Variants in KCNK2 observed in about 807,000 individuals in gnomAD.
The protein encoded by KCNK2 is potassium two pore domain channel subfamily K member 2, also known as potassium channel subfamily K member 2.
KCNK2 carries 21 observed loss-of-function variants against 40.5 expected under a neutral mutation model. The ratio of observed to expected loss-of-function variants is 0.52; its 90% CI spans 0.37 to 0.75. The LOEUF is 0.75. Ranked by LOEUF, KCNK2 falls within the 30% of genes least tolerant of loss-of-function variation. The probability of loss-of-function intolerance (pLI) is 0.00; values close to 1 mark genes in which losing one functional copy is unlikely to be tolerated. For missense variants in KCNK2, 399 were observed against 531.6 expected (o/e 0.75, Z 2.45); for synonymous variants, 191 against 202.2 (o/e 0.94, Z 0.47).
chr1:215,066,391 T>G (rs909520981), intron 1 of KCNK2, among the ~76,000 whole-genome samples: 1 of 152,230 alleles, frequency 6.6e-6, no homozygotes, highest in Non-Finnish European at 1.5e-5. Flanking sequence ...GTATTCCTGT[T>G]TATTTTGGCT....
intron 6 of KCNK2, among the ~76,000 whole-genome samples, chr1:215,223,768 G>T: frequency 6.6e-6 from 1 of 151,998 alleles, no homozygotes; most frequent in East Asian, 1.9e-4. Flanking sequence ...GGACTATTTA[G>T]AAAACTAGAA....
intron 6 of KCNK2, among the ~76,000 whole-genome samples, chr1:215,210,042 T>A (rs1403092167): frequency 1.8e-5 from 1 of 54,214 alleles, no homozygotes; most frequent in African/African-American, 7.6e-5. Flanking sequence ...ATAATATATA[T>A]AATATATATA....
intron 1 of KCNK2, among the ~76,000 whole-genome samples, chr1:215,041,676 G>T (rs1441570923): frequency 6.6e-6 from 1 of 152,098 alleles, no homozygotes; most frequent in Non-Finnish European, 1.5e-5. Context: ...TATGTGCCTG[G>T]ATTGTGCACA....
intron 1 of KCNK2, among the ~76,000 whole-genome samples, chr1:215,074,999 C>A (rs1230746113): frequency 1.3e-5 from 2 of 152,082 alleles, no homozygotes; most frequent in African/African-American, 4.8e-5. Context: ...ATCTTATTCT[C>A]TGTTGGGCAA....
chr1:215,016,590 A>G (rs1197494207), intron 1 of KCNK2, among the ~76,000 whole-genome samples: 1 of 152,198 alleles, frequency 6.6e-6, no homozygotes, highest in African/African-American at 2.4e-5. Context: ...CTCACATAAT[A>G]TATAAAAATT....
At chr1:215,058,613 A>G (rs1658249189) in intron 1 of KCNK2, among the ~76,000 whole-genome samples, 1 of 152,124 alleles carries the variant, frequency 6.6e-6, no homozygotes, top group Non-Finnish European at 1.5e-5. Flanking sequence ...CCCACTTCCA[A>G]TTAAACCTTT....
chr1:215,210,657 G>A (rs1477831674), intron 6 of KCNK2, among the ~76,000 whole-genome samples: 2 of 151,846 alleles, frequency 1.3e-5, no homozygotes, highest in Non-Finnish European at 2.9e-5. Context: ...TATAGAGAGA[G>A]AGTAGCATTC....
At chr1:215,161,911 G>C (rs954909253) in intron 3 of KCNK2, among the ~76,000 whole-genome samples, 1 of 152,126 alleles carries the variant, frequency 6.6e-6, no homozygotes, top group Non-Finnish European at 1.5e-5. Context: ...CTTTATTGTA[G>C]AATGATTTAT....
At chr1:215,148,080 C>T (rs1030719241) in intron 3 of KCNK2, among the ~76,000 whole-genome samples, 9 of 111,126 alleles carry the variant, frequency 8.1e-5, no homozygotes, top group African/African-American at 1.9e-4. Context: ...TTTTCTTTTC[C>T]TTTTTTTTTT....
intron 1 of KCNK2, among the ~76,000 whole-genome samples, chr1:215,011,196 A>G (rs1656375713): frequency 6.6e-6 from 1 of 151,982 alleles, no homozygotes; most frequent in African/African-American, 2.4e-5. Context: ...CTCCATCTCA[A>G]ACTCCTGGGA....
chr1:215,180,957 G>C (rs1475410683), intron 5 of KCNK2, among the ~76,000 whole-genome samples: 1 of 152,090 alleles, frequency 6.6e-6, no homozygotes, highest in Non-Finnish European at 1.5e-5. Flanking sequence ...ATGTTTTCCA[G>C]GTTGTTTTCT....
chr1:215,067,452 A>G (rs2102512649), intron 1 of KCNK2, among the ~76,000 whole-genome samples: 1 of 152,316 alleles, frequency 6.6e-6, no homozygotes, highest in Non-Finnish European at 1.5e-5. Context: ...GAAGAGGGAT[A>G]TAACAAATAC....
intron 3 of KCNK2, among the ~76,000 whole-genome samples, chr1:215,148,783 G>A (rs1417193919): frequency 6.6e-6 from 1 of 152,166 alleles, no homozygotes; most frequent in African/African-American, 2.4e-5. Flanking sequence ...ATCACAGCTG[G>A]TTGAAAGGGT....
chr1:215,144,291 A>G (rs1158780592), intron 3 of KCNK2, among the ~76,000 whole-genome samples: 1 of 152,164 alleles, frequency 6.6e-6, no homozygotes, highest in East Asian at 1.9e-4. Flanking sequence ...ATTGCATTAA[A>G]TTGAGTTTAA....
intron 3 of KCNK2, among the ~76,000 whole-genome samples, chr1:215,140,433 A>G (rs1662125173): frequency 6.6e-6 from 1 of 152,176 alleles, no homozygotes. Context: ...CTCACTGTGC[A>G]AACATCATGG....
chr1:215,209,445 A>ATT (rs1665502257), intron 6 of KCNK2, among the ~76,000 whole-genome samples: 5 of 26,674 alleles, frequency 1.9e-4, no homozygotes, highest in African/African-American at 8.3e-4. Context: ...TAAAATATAT[A>ATT]ATATATATTA....
chr1:215,221,352 C>A (rs1329105194), intron 6 of KCNK2, among the ~76,000 whole-genome samples: 1 of 151,900 alleles, frequency 6.6e-6, no homozygotes, highest in East Asian at 1.9e-4. Flanking sequence ...CCAGCCTGGG[C>A]AACAGAGTGA....
chr1:215,214,017 T>G (rs1183761318), intron 6 of KCNK2, among the ~76,000 whole-genome samples: 1 of 152,202 alleles, frequency 6.6e-6, no homozygotes, highest in Non-Finnish European at 1.5e-5. Context: ...TACCTTTATA[T>G]TTCTACACCA....
intron 2 of KCNK2, among the ~76,000 whole-genome samples, chr1:215,091,121 A>G (rs745895880): frequency 6.6e-6 from 1 of 152,196 alleles, no homozygotes; most frequent in Non-Finnish European, 1.5e-5. Context: ...TGGGGCCCTG[A>G]GGAAGAAATT....
Sources: allele counts gnomAD v4.1 joint callset (sites outside exome capture counted in the v4.1 genomes callset), GRCh38; gene constraint gnomAD v4.1.1; transcripts MANE v1.5; gene names NCBI Gene and HGNC (gene_info 2026-07-23, HGNC 2026-07-21).